Variants in WDR7 observed in about 807,000 individuals in gnomAD.
The protein encoded by WDR7 is WD repeat domain 7.
WDR7 carries 46 observed loss-of-function variants against 169.4 expected under a neutral mutation model. The observed-to-expected ratio is 0.27, with a 90% CI of 0.21 to 0.35. The LOEUF is 0.35. Ranked by LOEUF, WDR7 falls within the 10% of genes least tolerant of loss-of-function variation. The pLI is 1.00. For missense variants in WDR7, 1,534 were observed against 1,859.3 expected (o/e 0.83, Z 3.22); for synonymous variants, 612 against 666.8 (o/e 0.92, Z 1.27).
intron 26 of WDR7, among the ~76,000 whole-genome samples, chr18:56,970,652 A>G (rs1277383888): frequency 2.0e-5 from 3 of 152,140 alleles, no homozygotes; most frequent in Admixed American, 2.0e-4. Context: ...ATTTGTTACA[A>G]CTGATGAACT....
At chr18:56,731,337 A>C in intron 13 of WDR7, 46 bp from the exon 14 acceptor site, 1 of 1,582,156 alleles carries the variant, frequency 6.3e-7, no homozygotes, top group African/African-American at 1.3e-5. Context: ...AACTATTCAA[A>C]ATGTTGTAGT....
At chr18:56,867,946 ATC>A (rs1292142032) in intron 20 of WDR7, among the ~76,000 whole-genome samples, 1 of 152,202 alleles carries the variant, frequency 6.6e-6, no homozygotes, top group Non-Finnish European at 1.5e-5. Context: ...ACATTTTTAT[ATC>A]TCTATATGCT....
chr18:56,653,308 G>A (rs921319662), intron 1 of WDR7, among the ~76,000 whole-genome samples: 1 of 152,058 alleles, frequency 6.6e-6, no homozygotes, highest in Non-Finnish European at 1.5e-5. Context: ...CCGGGCTCAA[G>A]CGATTCTCCT....
chr18:56,976,963 A>G (rs1360540428), intron 26 of WDR7, among the ~76,000 whole-genome samples: 1 of 152,204 alleles, frequency 6.6e-6, no homozygotes, highest in Middle Eastern at 3.2e-3. Flanking sequence ...ATAACAGTTG[A>G]TGGCAGAGGC....
At chr18:57,007,467 A>G (rs2048078272) in intron 26 of WDR7, among the ~76,000 whole-genome samples, 1 of 152,326 alleles carries the variant, frequency 6.6e-6, no homozygotes, top group East Asian at 1.9e-4. Flanking sequence ...TTTGTAGATT[A>G]AAATGTTAAA....
intron 22 of WDR7, among the ~76,000 whole-genome samples, chr18:56,930,128 C>T (rs941004649): frequency 3.3e-5 from 5 of 152,172 alleles, no homozygotes; most frequent in African/African-American, 1.2e-4. Flanking sequence ...TACAGACTGC[C>T]CACTGCTTTT....
chr18:56,837,066 A>C (rs2145308979), intron 20 of WDR7, among the ~76,000 whole-genome samples: 1 of 152,368 alleles, frequency 6.6e-6, no homozygotes, highest in African/African-American at 2.4e-5. Context: ...ATGTCAGTGC[A>C]GTTAAGATGC....
At chr18:56,817,927 T>G (rs943208659) in intron 20 of WDR7, among the ~76,000 whole-genome samples, 3 of 152,110 alleles carry the variant, frequency 2.0e-5, no homozygotes, top group Non-Finnish European at 4.4e-5. Flanking sequence ...GTATTTTTAG[T>G]AGAAACAGAG....
the WDR7 span, chr18:57,036,378 A>G: frequency 1.3e-5 from 2 of 152,200 alleles, no homozygotes; most frequent in African/African-American, 4.8e-5. Context: ...CCTCCTCCCT[A>G]ATGAGAGCTA....
chr18:56,675,703 T>G (rs1318883083), intron 2 of WDR7, among the ~76,000 whole-genome samples: 1 of 152,070 alleles, frequency 6.6e-6, no homozygotes, highest in African/African-American at 2.4e-5. Flanking sequence ...ATTTCATTTT[T>G]TTGCCTAATG....
chr18:56,814,872 CATT>C (rs559511181), intron 19 of WDR7, among the ~76,000 whole-genome samples: 25 of 151,540 alleles, frequency 1.6e-4, no homozygotes, highest in Non-Finnish European at 3.1e-4. Flanking sequence ...CATTCTTTAG[CATT>C]ATTATTATTA....
chr18:56,686,088 T>A, intron 6 of WDR7, 56 bp downstream of exon 6: 1 of 1,450,724 alleles, frequency 6.9e-7, no homozygotes, highest in Non-Finnish European at 9.3e-7. Flanking sequence ...TAGCTCAAAA[T>A]TTTAGTAATG....
chr18:56,821,266 A>C (rs766549177), intron 20 of WDR7, among the ~76,000 whole-genome samples: 10 of 152,250 alleles, frequency 6.6e-5, no homozygotes, highest in Non-Finnish European at 1.5e-4. Flanking sequence ...AGAGAAGTTA[A>C]AAGTAATATC....
chr18:57,028,939 T>C lies in WDR7; in HGVS notation c.*1732T>C, dbSNP rs1182856973. ...AGACCTATACAGTTTAGACTTTATT[T>C]GTTTGGTGAACGTGCTGTTGTGTTT... On this transcript the variant is annotated 3_prime_UTR_variant, in exon 28 of 28. Transcript: ENST00000254442. 1 of 152,704 alleles carries C rather than the reference T, an allele frequency of 6.5e-6. No homozygotes were observed. The allele number at this position is 152,704 out of a possible 1,614,324, so 9.5% of individuals were successfully genotyped here. A position where few individuals can be genotyped will look rare whatever the true frequency, so the allele number is the denominator to read the frequency against.
At chr18:56,710,830 CTG>C (rs1252588796) in intron 12 of WDR7, among the ~76,000 whole-genome samples, 1 of 152,172 alleles carries the variant, frequency 6.6e-6, no homozygotes, top group African/African-American at 2.4e-5. Context: ...TGTTATGAGA[CTG>C]TAATGAATTA....
intron 26 of WDR7, among the ~76,000 whole-genome samples, chr18:56,979,015 A>C (rs1488087064): frequency 1.3e-5 from 2 of 152,194 alleles, no homozygotes; most frequent in East Asian, 3.8e-4. Flanking sequence ...CATAGGCTGA[A>C]ATGGAACTTT....
intron 12 of WDR7, among the ~76,000 whole-genome samples, chr18:56,714,021 C>T (rs965714418): frequency 3.3e-5 from 5 of 152,060 alleles, no homozygotes; most frequent in African/African-American, 4.8e-5. Flanking sequence ...TTTCCTTTTA[C>T]ACTTAAATAA....
At chr18:56,669,334 A>C (rs1046056806) in intron 1 of WDR7, among the ~76,000 whole-genome samples, 2 of 152,186 alleles carry the variant, frequency 1.3e-5, no homozygotes, top group African/African-American at 4.8e-5. Flanking sequence ...AATTTTAATA[A>C]CAATGAGAAA....
chr18:57,025,851 A>G (rs1162168095), intron 27 of WDR7, among the ~76,000 whole-genome samples: 2 of 152,214 alleles, frequency 1.3e-5, no homozygotes, highest in Admixed American at 1.3e-4. Flanking sequence ...GTGATAACGC[A>G]TCTTAAATGT....
Sources: allele counts gnomAD v4.1 joint callset (sites outside exome capture counted in the v4.1 genomes callset), GRCh38; gene constraint gnomAD v4.1.1; transcripts MANE v1.5; gene names NCBI Gene and HGNC (gene_info 2026-07-23, HGNC 2026-07-21).